ASB7: variants seen among roughly 807,000 people sequenced by gnomAD.
ASB7 encodes the protein ankyrin repeat and SOCS box containing 7.
ASB7 carries 4 observed loss-of-function variants against 32.5 expected under a neutral mutation model. That is an observed-to-expected ratio of 0.12 (90% confidence interval 0.06 to 0.28). The LOEUF (loss-of-function observed/expected upper bound fraction) is 0.28, where lower values mean the gene tolerates loss of function less well. Among genes scored for constraint, ASB7 ranks in the 10% least tolerant of loss-of-function variants. The pLI is 1.00. For missense variants in ASB7, 181 were observed against 407.1 expected, an observed-to-expected ratio of 0.44 and a Z score of 4.78; for synonymous variants, 172 against 155.6, an observed-to-expected ratio of 1.11 and a Z score of -0.78.
chr15:100,620,267 G>C (rs2039779764), intron 4 of ASB7, among the ~76,000 whole-genome samples: 1 of 152,162 alleles, frequency 6.6e-6, no homozygotes, highest in South Asian at 2.1e-4. Context: ...GTAAGTAGTT[G>C]TAATACTGTA....
chr15:100,607,746 C>T (rs979182907), intron 2 of ASB7, among the ~76,000 whole-genome samples: 12 of 152,166 alleles, frequency 7.9e-5, no homozygotes, highest in African/African-American at 1.4e-4. Context: ...CACTGTGCCA[C>T]GTTAAGTGTC....
chr15:100,636,389 A>G (rs1484084663), intron 5 of ASB7, among the ~76,000 whole-genome samples: 1 of 152,252 alleles, frequency 6.6e-6, no homozygotes, highest in Non-Finnish European at 1.5e-5. Context: ...TACTTAAAAT[A>G]GGAAAAACAT....
chr15:100,630,171 G>T, intron 5 of ASB7, 129 bp downstream of exon 5: 2 of 1,359,718 alleles, frequency 1.5e-6, no homozygotes, highest in Admixed American at 3.4e-5. Context: ...GGTAAGCGAT[G>T]CCTCATTCTT....
rs12906119 is a variant in ASB7 at position 100,651,258 on chromosome 15, A to C, written c.*2796A>C. 8 of 145,422 alleles carry C rather than the reference A, an allele frequency of 5.5e-5. No homozygotes were observed. Among genetic ancestry groups the C allele is most frequent in the Non-Finnish European group, 9.1e-5 (6 of 66,218 alleles). 9.0% of individuals were successfully genotyped at this position (145,422 alleles called of 1,614,324 possible). A position where few individuals can be genotyped will look rare whatever the true frequency, so the allele number is the denominator to read the frequency against. On this transcript the variant is annotated 3_prime_UTR_variant, in exon 6 of 6. Coordinates refer to ENST00000332783, the MANE Select transcript of ASB7 (RefSeq NM_198243.3). ...GTACAGCAGAGTAAGAGTGTTTTTT[A>C]GATTATTTAATTCCCATATTTCTAA...
chr15:100,631,930 T>C (rs925941716), intron 5 of ASB7, among the ~76,000 whole-genome samples: 1 of 152,200 alleles, frequency 6.6e-6, no homozygotes, highest in Non-Finnish European at 1.5e-5. Flanking sequence ...TTTAGATTCA[T>C]ATTCAACTCA....
chr15:100,607,377 ACT>A (rs1944676322), intron 2 of ASB7, among the ~76,000 whole-genome samples: 1 of 152,016 alleles, frequency 6.6e-6, no homozygotes, highest in African/African-American at 2.4e-5. Flanking sequence ...ACGTGACTCG[ACT>A]CTGTCAGGCG....
intron 4 of ASB7, among the ~76,000 whole-genome samples, chr15:100,623,518 A>G (rs1290625609): frequency 6.6e-6 from 1 of 152,222 alleles, no homozygotes; most frequent in East Asian, 1.9e-4. Flanking sequence ...GGGAAATGCA[A>G]ATCAAAACCA....
At chr15:100,641,021 A>T (rs4965691) in intron 5 of ASB7, among the ~76,000 whole-genome samples, 55,543 of 152,078 alleles carry the variant, frequency 0.37, 11,878 homozygotes, top group East Asian at 0.85. Flanking sequence ...TCTTTAAATT[A>T]TGCTCTTTTG....
rs1454531931 is a variant in ASB7, at chr15:100,649,364, C to T, written c.*902C>T. On this transcript the variant is annotated 3_prime_UTR_variant, in exon 6 of 6. Coordinates refer to ENST00000332783, the MANE Select transcript of ASB7 (RefSeq NM_198243.3). ...TTGTCACTGCAGAGCCATCGTATGTCAGTTGCAATTTCCATCTGAAGCTAT... is the reference window on the plus strand; with the variant it reads ...TTGTCACTGCAGAGCCATCGTATGTTAGTTGCAATTTCCATCTGAAGCTAT... The T allele has an allele frequency of 6.6e-6, 1 of 152,178 alleles. No individual in the cohort carries two copies. The highest frequency in any genetic ancestry group is 1.5e-5 in the Non-Finnish European group (1 of 68,024). The allele number at this position is 152,178 out of a possible 1,614,324, so 9.4% of individuals were successfully genotyped here. A position where few individuals can be genotyped will look rare whatever the true frequency, so the allele number is the denominator to read the frequency against.
In ASB7 at chr15:100,631,560, C is replaced by T. The variant is rs114648551; in HGVS notation, c.817+1518C>T. 5.6e-3 allele frequency among the ~76,000 whole-genome samples: 859 copies of T among 152,208 alleles called. 6 individuals are homozygous for T. The highest frequency in any genetic ancestry group is 0.016 in the African/African-American group (681 of 41,522). On this transcript the variant is annotated intron_variant, in intron 5 of 5. Transcript: ENST00000332783. ...GAGACTTAGTTATGATGAGTGTGGC[C>T]GCCCTTAGGAAGGCATGTTATATAC...
intron 4 of ASB7, among the ~76,000 whole-genome samples, chr15:100,626,925 G>C (rs953354242): frequency 1.3e-5 from 2 of 152,080 alleles, no homozygotes; most frequent in Non-Finnish European, 2.9e-5. Flanking sequence ...GTTTGCCTGG[G>C]ACCCAGAGTC....
At position 100,649,979 on chromosome 15, in the gene ASB7, A is replaced by C. The variant is rs767581977; in HGVS notation, c.*1517A>C. 6.6e-6 allele frequency: 1 copy of C among 152,276 alleles called. No individual in the cohort carries two copies. The highest frequency in any genetic ancestry group is 1.5e-5 in the Non-Finnish European group (1 of 68,050). 9.4% of individuals were successfully genotyped at this position (152,276 alleles called of 1,614,324 possible). ...CCCAGAAGTGTAACTAAGCAGAACT[A>C]GGAGTTTTCTCTGGCTTCACCTTTT... On this transcript the variant is annotated 3_prime_UTR_variant, in exon 6 of 6. Transcript: ENST00000332783.
intron 5 of ASB7, among the ~76,000 whole-genome samples, chr15:100,634,073 A>C (rs564252271): frequency 6.6e-6 from 1 of 152,378 alleles, no homozygotes; most frequent in South Asian, 2.1e-4. Flanking sequence ...ATACAGTACT[A>C]TAACCTTGTG....
At chr15:100,623,818 A>G (rs189871301) in intron 4 of ASB7, among the ~76,000 whole-genome samples, 4 of 152,374 alleles carry the variant, frequency 2.6e-5, no homozygotes, top group East Asian at 1.9e-4. Context: ...TAGAAATACT[A>G]TATAATCCAG....
intron 5 of ASB7, among the ~76,000 whole-genome samples, chr15:100,634,977 T>G (rs1021575257): frequency 2.0e-5 from 3 of 152,192 alleles, no homozygotes; most frequent in Non-Finnish European, 4.4e-5. Context: ...TTGGCTAGAT[T>G]ATTTGCAGAA....
intron 3 of ASB7, 74 bp from the exon 4 acceptor site, chr15:100,612,092 T>TG (rs1292226323): frequency 7.5e-6 from 6 of 797,806 alleles, no homozygotes; most frequent in Non-Finnish European, 1.2e-5. Context: ...TGGAATGTTC[T>TG]GTGATATTTA....
At chr15:100,610,727 C>T (rs2039688854) in intron 3 of ASB7, among the ~76,000 whole-genome samples, 1 of 152,130 alleles carries the variant, frequency 6.6e-6, no homozygotes, top group Non-Finnish European at 1.5e-5. Context: ...GTAAGTTTTG[C>T]AAGATAAACG....
chr15:100,609,409 A>G (rs757440718), intron 2 of ASB7: 1 of 152,250 alleles, frequency 6.6e-6, no homozygotes, highest in Non-Finnish European at 1.5e-5. Flanking sequence ...AATAGAGGAA[A>G]ATGAAGAATC....
intron 4 of ASB7, among the ~76,000 whole-genome samples, chr15:100,621,556 TATC>T (rs1459861588): frequency 2.0e-5 from 3 of 152,212 alleles, no homozygotes; most frequent in African/African-American, 4.8e-5. Context: ...AATGTATTTT[TATC>T]ATCATTTCAT....
Sources: allele counts gnomAD v4.1 joint callset (sites outside exome capture counted in the v4.1 genomes callset), GRCh38; gene constraint gnomAD v4.1.1; transcripts MANE v1.5; gene names NCBI Gene and HGNC (gene_info 2026-07-23, HGNC 2026-07-21).